The following PCDH15 variants were observed in gnomAD, a reference collection of about 807,000 sequenced individuals.
PCDH15 encodes the protein protocadherin-15.
In PCDH15, 129 loss-of-function variants were observed where a neutral mutation model predicts 178.5. The ratio of observed to expected loss-of-function variants is 0.72; its 90% CI spans 0.63 to 0.84. The LOEUF (loss-of-function observed/expected upper bound fraction) is 0.84. Ranked by LOEUF, PCDH15 falls within the 40% of genes least tolerant of loss-of-function variation. The pLI, the probability that PCDH15 is intolerant of heterozygous loss-of-function variation, is 0.00. For synonymous variants in PCDH15, 800 were observed against 732.0 expected (o/e 1.09, Z -1.50); for missense variants, 2,230 against 2,099.9 (o/e 1.06, Z -1.21).
At chr10:54,548,586 G>T (rs1247956692) in intron 2 of PCDH15, among the ~76,000 whole-genome samples, 3 of 142,204 alleles carry the variant, frequency 2.1e-5, no homozygotes, top group Admixed American at 7.1e-5. Flanking sequence ...ATATATTATT[G>T]TATATATTTA....
intron 5 of PCDH15, among the ~76,000 whole-genome samples, chr10:54,348,366 G>A (rs979631876): frequency 7.2e-5 from 11 of 152,248 alleles, no homozygotes; most frequent in African/African-American, 2.4e-4. Flanking sequence ...GAAGTGAGAC[G>A]AGATCGTTTA....
At chr10:55,289,103 T>C (rs1842946620) in intron 1 of PCDH15, among the ~76,000 whole-genome samples, 2 of 152,040 alleles carry the variant, frequency 1.3e-5, no homozygotes, top group South Asian at 4.1e-4. Context: ...TATCTGTTAA[T>C]CTACAGCTGC....
At chr10:54,035,544 T>C (rs1034607054) in intron 18 of PCDH15, among the ~76,000 whole-genome samples, 1 of 151,928 alleles carries the variant, frequency 6.6e-6, no homozygotes, top group African/African-American at 2.4e-5. Context: ...GTATACATTT[T>C]TTTGACACAT....
chr10:55,138,151 T>C (rs565549352), intron 2 of PCDH15, among the ~76,000 whole-genome samples: 59 of 152,282 alleles, frequency 3.9e-4, no homozygotes, highest in African/African-American at 1.4e-3. Context: ...TTGCCAAATT[T>C]AGCAAATAAA....
At chr10:54,424,828 G>A (rs1222164576) in intron 3 of PCDH15, among the ~76,000 whole-genome samples, 1 of 138,166 alleles carries the variant, frequency 7.2e-6, no homozygotes, top group South Asian at 2.5e-4. Context: ...TTGGACACAG[G>A]AAGGGGAACA....
intron 3 of PCDH15, among the ~76,000 whole-genome samples, chr10:54,419,521 C>T (rs1378502226): frequency 3.3e-5 from 5 of 152,062 alleles, no homozygotes; most frequent in Non-Finnish European, 5.9e-5. Flanking sequence ...TTGATTTGCT[C>T]AACTCAATCT....
intron 26 of PCDH15, among the ~76,000 whole-genome samples, chr10:53,882,224 A>T (rs1207718284): frequency 1.3e-5 from 2 of 152,100 alleles, no homozygotes; most frequent in Non-Finnish European, 2.9e-5. Flanking sequence ...TATCTCAAGC[A>T]GACATATGTT....
chr10:55,352,278 A>T (rs1844958208), intron 2 of PCDH15, among the ~76,000 whole-genome samples: 1 of 152,154 alleles, frequency 6.6e-6, no homozygotes, highest in African/African-American at 2.4e-5. Context: ...TAGACTATGG[A>T]AATTTTGTTA....
chr10:54,693,973 G>T (rs557302119), intron 1 of PCDH15, among the ~76,000 whole-genome samples: 1 of 152,100 alleles, frequency 6.6e-6, no homozygotes, highest in East Asian at 1.9e-4. Flanking sequence ...GATCCAACTA[G>T]GCCTAGGTTT....
intron 1 of PCDH15, among the ~76,000 whole-genome samples, chr10:54,716,274 A>C (rs1011998371): frequency 2.6e-5 from 4 of 152,132 alleles, no homozygotes; most frequent in African/African-American, 4.8e-5. Context: ...AAAAAGGATT[A>C]GGTATATACC....
At chr10:55,394,200 C>T (rs1422250321) in intron 2 of PCDH15, among the ~76,000 whole-genome samples, 1 of 140,018 alleles carries the variant, frequency 7.1e-6, no homozygotes, top group Non-Finnish European at 1.5e-5. Context: ...ATAGAATCAA[C>T]CAGCTTCTAC....
chr10:54,401,766 C>T (rs1277639527), intron 3 of PCDH15, among the ~76,000 whole-genome samples: 1 of 151,778 alleles, frequency 6.6e-6, no homozygotes, highest in African/African-American at 2.4e-5. Flanking sequence ...AAAACATATA[C>T]AATTCAAATT....
chr10:54,421,156 C>T (rs762862037), intron 3 of PCDH15, among the ~76,000 whole-genome samples: 6 of 151,978 alleles, frequency 3.9e-5, no homozygotes, highest in Admixed American at 1.3e-4. Flanking sequence ...TGAAGTTTTA[C>T]GTTTCAATAT....
intron 1 of PCDH15, among the ~76,000 whole-genome samples, chr10:54,676,440 T>C (rs1415631259): frequency 1.3e-5 from 2 of 152,064 alleles, no homozygotes; most frequent in African/African-American, 4.8e-5. Context: ...TAAAAAGCAG[T>C]GAACATAGCC....
chr10:54,060,573 A>G (rs1462875649), intron 18 of PCDH15, among the ~76,000 whole-genome samples: 1 of 152,228 alleles, frequency 6.6e-6, no homozygotes, highest in Non-Finnish European at 1.5e-5. Context: ...TCACTACTTG[A>G]GATGAATTCT....
chr10:55,015,946 A>C lies in PCDH15; in HGVS notation c.-79-118446T>G, dbSNP rs867506824. Among the ~76,000 whole-genome samples the C allele has an allele frequency of 2.0e-5, 3 of 152,136 alleles. No individual in the cohort carries two copies. The South Asian group carries it at 6.2e-4, about 32-fold the overall frequency. On this transcript the variant is annotated intron_variant, in intron 2 of 5. Transcript: ENST00000458638. ...GCAGGGGAGTTAATATTCTAGAATA[A>C]ATGGGGTGGGCTGGGAATTTGTAAG... is the stretch of plus-strand genomic sequence containing the variant.
At chr10:54,426,355 C>T (rs1956267194) in intron 3 of PCDH15, among the ~76,000 whole-genome samples, 1 of 152,160 alleles carries the variant, frequency 6.6e-6, no homozygotes, top group African/African-American at 2.4e-5. Flanking sequence ...TCAAGCATTA[C>T]ACTCTCATAA....
intron 2 of PCDH15, among the ~76,000 whole-genome samples, chr10:55,529,778 T>TATATATATATATATATA (rs1841405590): frequency 1.4e-5 from 2 of 138,312 alleles, no homozygotes; most frequent in African/African-American, 5.3e-5. Context: ...TATATATATA[T>TATATATATATATATATA]TTGATTACCA....
intron 3 of PCDH15, among the ~76,000 whole-genome samples, chr10:54,894,936 C>G: frequency 6.6e-6 from 1 of 152,126 alleles, no homozygotes; most frequent in East Asian, 1.9e-4. Flanking sequence ...ACTGAGAATA[C>G]TAAATATTTT....
Sources: gnomAD v4.1 joint callset for allele counts (sites outside exome capture counted in the v4.1 genomes callset) on GRCh38, gnomAD v4.1.1 for gene constraint, MANE v1.5 for transcripts, NCBI Gene and HGNC (gene_info 2026-07-23, HGNC 2026-07-21) for gene names.